FBXL5: variants seen among roughly 807,000 people sequenced by gnomAD.
The protein encoded by FBXL5 is F-box and leucine rich repeat protein 5, also known as F-box/LRR-repeat protein 5.
Under a neutral mutation model 78.3 loss-of-function variants are expected in FBXL5, and 26 were observed. The observed-to-expected ratio is 0.33, with a 90% CI of 0.24 to 0.46. The LOEUF is 0.46. Among genes scored for constraint, FBXL5 ranks in the 20% least tolerant of loss-of-function variants. The probability of loss-of-function intolerance (pLI) is 1.00; values close to 1 mark genes in which losing one functional copy is unlikely to be tolerated. For missense variants in FBXL5, 710 were observed against 829.2 expected (o/e 0.86, Z 1.77); for synonymous variants, 295 against 282.5 (o/e 1.04, Z -0.45).
intron 7 of FBXL5, 54 bp from the exon 8 acceptor site, chr4:15,627,009 G>C (rs370658525): frequency 2.7e-6 from 3 of 1,106,424 alleles, no homozygotes; most frequent in African/African-American, 3.5e-5. Flanking sequence ...AGTTAGCTAA[G>C]TAACAGATGA....
rs112736448 is a variant in FBXL5 at position 15,647,222 on chromosome 4, CAAAAAA to C, written c.85-2520_85-2515del. Among the ~76,000 whole-genome samples, 196 of 36,520 alleles carry C rather than the reference CAAAAAA, an allele frequency of 5.4e-3. 1 individual carries two copies. Among genetic ancestry groups the C allele is most frequent in the African/African-American group, 0.015 (129 of 8,874 alleles). The allele number at this position is 36,520 out of a possible 152,430, so 24.0% of individuals were successfully genotyped here. ...TGGGCAACAAAGCAAGACTCCATCTCAAAAAAAAAAAAAAAAAAAAAGAAAGAAAAT... is the reference window on the plus strand; with the variant it reads ...TGGGCAACAAAGCAAGACTCCATCTCAAAAAAAAAAAAAAAGAAAGAAAAT... On this transcript the variant is annotated intron_variant, in intron 1 of 10. Transcript: ENST00000341285.
In FBXL5 at chr4:15,616,307, C is replaced by T. The variant is rs1711864728; in HGVS notation, c.1851-3893G>A. Among the ~76,000 whole-genome samples, 3 of 152,244 alleles carry T rather than the reference C, an allele frequency of 2.0e-5. No individual in the cohort carries two copies. In the South Asian group the frequency reaches 6.2e-4, roughly 31 times the overall value. ...TTATGGCTGCCTCTGCTCTGTCATA[C>T]AGGTCACCCGGGAAGTGGGGGAAAG... On this transcript the variant is annotated intron_variant, in intron 9 of 10. Coordinates refer to ENST00000341285, the MANE Select transcript of FBXL5 (RefSeq NM_012161.4).
intron 9 of FBXL5, among the ~76,000 whole-genome samples, chr4:15,620,012 C>T (rs1469027503): frequency 3.9e-5 from 6 of 151,946 alleles, no homozygotes; most frequent in Admixed American, 3.9e-4. Context: ...AAGGCTGCAG[C>T]GAGCTATGAT....
chr4:15,634,206 CAG>C (rs1477564975), intron 5 of FBXL5, among the ~76,000 whole-genome samples: 3 of 151,748 alleles, frequency 2.0e-5, no homozygotes, highest in African/African-American at 4.8e-5. Context: ...CTTTTTAAGA[CAG>C]AGTCTTCCCT....
At chr4:15,614,131 T>C (rs901107380) in intron 9 of FBXL5, among the ~76,000 whole-genome samples, 2 of 152,200 alleles carry the variant, frequency 1.3e-5, no homozygotes, top group African/African-American at 4.8e-5. Flanking sequence ...ACAAGCATGT[T>C]CCCTTGATGT....
intron 1 of FBXL5, among the ~76,000 whole-genome samples, chr4:15,668,551 C>G (rs1329695622): frequency 6.6e-6 from 1 of 151,164 alleles, no homozygotes; most frequent in Non-Finnish European, 1.5e-5. Context: ...CAACATCGTA[C>G]AAGTCACATT....
At chr4:15,630,570 A>G in intron 6 of FBXL5, 96 bp downstream of exon 6, 1 of 1,180,554 alleles carries the variant, frequency 8.5e-7, no homozygotes, top group Non-Finnish European at 1.1e-6. Context: ...TCTTTAGAAA[A>G]CACAAAATAC....
rs1577483304 is a variant in FBXL5 at position 15,651,633 on chromosome 4, A to T, written c.84+3571T>A. The stretch of plus-strand genomic sequence containing the variant: ...ATAAAGCTATACTCACTCATTTTTT[A>T]AAAAAGGATATATTCAAATTACTCT... On this transcript the variant is annotated intron_variant, in intron 1 of 10. Transcript: ENST00000341285. Among the ~76,000 whole-genome samples the T allele has an allele frequency of 1.3e-5, 2 of 152,294 alleles. 1 individual carries two copies.
intron 1 of FBXL5, among the ~76,000 whole-genome samples, chr4:15,654,371 AG>A (rs1216102251): frequency 1.3e-5 from 2 of 152,216 alleles, no homozygotes; most frequent in African/African-American, 4.8e-5. Context: ...TCACTAGCAA[AG>A]GGCCCTGAAC....
At chr4:15,670,084 G>A (rs1717698070) in intron 1 of FBXL5, among the ~76,000 whole-genome samples, 1 of 152,188 alleles carries the variant, frequency 6.6e-6, no homozygotes, top group Non-Finnish European at 1.5e-5. Flanking sequence ...ACCTTGAAAT[G>A]AATTGCATGT....
chr4:15,656,267 C>T, upstream of FBXL5: 1 of 456,206 alleles, frequency 2.2e-6, no homozygotes, highest in South Asian at 1.5e-5. Flanking sequence ...AATCGCCTGG[C>T]CCTGGCCACA....
chr4:15,615,763 C>T (rs1269711977), intron 9 of FBXL5, among the ~76,000 whole-genome samples: 1 of 151,840 alleles, frequency 6.6e-6, no homozygotes, highest in Non-Finnish European at 1.5e-5. Flanking sequence ...TGTAAACGCA[C>T]CAATCAGCGC....
chr4:15,646,785 A>G (rs1258185385), intron 1 of FBXL5, among the ~76,000 whole-genome samples: 1 of 148,536 alleles, frequency 6.7e-6, no homozygotes, highest in African/African-American at 2.5e-5. Flanking sequence ...TATGAGTGAG[A>G]ACATGCGGTG....
chr4:15,644,472 A>T, intron 2 of FBXL5, 21 bp downstream of exon 2: 1 of 1,579,456 alleles, frequency 6.3e-7, no homozygotes, highest in South Asian at 1.1e-5. Context: ...TGACAGTTGA[A>T]TATCCATTTT....
At chr4:15,631,058 C>T (rs932927205) in intron 5 of FBXL5, among the ~76,000 whole-genome samples, 1 of 152,030 alleles carries the variant, frequency 6.6e-6, no homozygotes, top group African/African-American at 2.4e-5. Context: ...TAATGCTATC[C>T]CTCCCCCAGT....
At chr4:15,636,988 T>C (rs1714349045) in intron 4 of FBXL5, among the ~76,000 whole-genome samples, 2 of 152,164 alleles carry the variant, frequency 1.3e-5, no homozygotes, top group African/African-American at 4.8e-5. Flanking sequence ...TTAAGCAGCA[T>C]CACTTGAAAA....
intron 3 of FBXL5, among the ~76,000 whole-genome samples, 170 bp from the exon 4 acceptor site, chr4:15,638,864 A>G (rs2148636219): frequency 6.6e-6 from 1 of 152,304 alleles, no homozygotes; most frequent in East Asian, 1.9e-4. Flanking sequence ...TGCAGAGAAG[A>G]GTACACCAAG....
intron 4 of FBXL5, 25 bp from the exon 5 acceptor site, chr4:15,636,701 C>T: frequency 6.6e-7 from 1 of 1,505,068 alleles, no homozygotes; most frequent in Non-Finnish European, 8.9e-7. Context: ...AAAAACTTTA[C>T]CAGTAAAGGC....
chr4:15,625,825 A>T lies in FBXL5; in HGVS notation c.1277T>A (p.Ile426Asn). ...TTTATTTTTCCACGCAGTTGAAGTA[A>T]TTTTGCTTGTAGATGTTTTCAAAAA... is the stretch of plus-strand genomic sequence containing the variant. The part of the protein sequence containing the change: ...SGFLKTSTSK[I>N]TSTAWKNKDI... The change falls in exon 9 of 11, where the codon ATT (isoleucine) becomes AAT (asparagine). Residue 426 changes from isoleucine to asparagine, a missense_variant. Ile to Asn is a moderately radical substitution (Grantham distance 149). Around this residue, in one of 4 missense-constraint regions of FBXL5, gnomAD observed 517 missense variants for 542.9 expected, o/e 0.95. Coordinates refer to ENST00000341285, the MANE Select transcript of FBXL5 (RefSeq NM_012161.4). 1 of 1,614,084 alleles carries T rather than the reference A, an allele frequency of 6.2e-7. No individual in the cohort carries two copies. The highest frequency in any genetic ancestry group is 8.5e-7 in the Non-Finnish European group (1 of 1,180,012).
Sources: gnomAD v4.1 joint callset for allele counts (sites outside exome capture counted in the v4.1 genomes callset) on GRCh38, gnomAD v4.1.1 for gene constraint, gnomAD v4.1.1 regional missense constraint, MANE v1.5 for transcripts, NCBI Gene and HGNC (gene_info 2026-07-23, HGNC 2026-07-21) for gene names.